The following EMC3 variants were observed in gnomAD, a reference collection of about 807,000 sequenced individuals.
The protein encoded by EMC3 is 30 kDa protein.
Under a neutral mutation model 36.6 loss-of-function variants are expected in EMC3, and 13 were observed. The observed-to-expected ratio is 0.35, with a 90% CI of 0.23 to 0.56. The LOEUF (loss-of-function observed/expected upper bound fraction) is 0.56, where lower values mean the gene tolerates loss of function less well. EMC3 is among the 20% of genes least tolerant of loss of function. The pLI is 0.84. For missense variants in EMC3, 220 were observed against 324.5 expected (o/e 0.68, Z 2.47); for synonymous variants, 120 against 111.9 (o/e 1.07, Z -0.46).
intron 1 of EMC3, chr3:10,000,660 T>A (rs2086187749): frequency 1.0e-5 from 5 of 477,184 alleles, no homozygotes; most frequent in Middle Eastern, 7.0e-4. Flanking sequence ...GTAGCTTTTT[T>A]AAGATAAGCT....
At chr3:10,007,131 C>T (rs982742163) in intron 1 of EMC3, 2 of 346,262 alleles carry the variant, frequency 5.8e-6, no homozygotes, top group Non-Finnish European at 1.1e-5. Flanking sequence ...CTGTCAGTTA[C>T]TCAGAAAAAC....
chr3:9,994,371 A>C (rs1379902478), intron 1 of EMC3: 4 of 648,810 alleles, frequency 6.2e-6, no homozygotes, highest in Admixed American at 3.9e-5. Flanking sequence ...AGGAAGGAAG[A>C]ATCATCTAAT....
intron 1 of EMC3, chr3:10,002,819 C>G (rs772217208): frequency 6.6e-6 from 3 of 456,524 alleles, no homozygotes; most frequent in East Asian, 1.4e-4. Context: ...TCCCCCTCCA[C>G]GCAGAGCACC....
chr3:10,007,875 A>G (rs1575708383), intron 1 of EMC3, among the ~76,000 whole-genome samples: 2 of 152,292 alleles, frequency 1.3e-5, no homozygotes, highest in East Asian at 3.9e-4. Context: ...GATGGTGGCC[A>G]GGGTCAGTCC....
chr3:9,974,154 G>A (rs2085819388), intron 4 of EMC3, among the ~76,000 whole-genome samples: 1 of 152,168 alleles, frequency 6.6e-6, no homozygotes, highest in Non-Finnish European at 1.5e-5. Context: ...TATTAGTTTT[G>A]GAAGTAAGCT....
At position 9,994,835 on chromosome 3, in the gene EMC3, G is replaced by C. The variant is rs112175955; in HGVS notation, c.-241-7933C>G. On this transcript the variant is annotated intron_variant, in intron 1 of 8. Transcript: ENST00000470827. ...GATTCACCTGCCTCGCCCTCCCAAA[G>C]TGCTGCAATTACAGGCATGAGCCAC... Among the ~76,000 whole-genome samples the C allele has an allele frequency of 9.2e-3, 1,403 of 152,228 alleles. 26 individuals are homozygous for C. The highest frequency in any genetic ancestry group is 0.032 in the African/African-American group (1,321 of 41,530).
chr3:9,995,094 G>A (rs1323234259), intron 1 of EMC3, among the ~76,000 whole-genome samples: 1 of 151,398 alleles, frequency 6.6e-6, no homozygotes, highest in African/African-American at 2.4e-5. Context: ...TGAGGTAGCT[G>A]TTGTAATTGA....
At chr3:9,993,402 A>G (rs893011178) in intron 1 of EMC3, among the ~76,000 whole-genome samples, 1 of 152,252 alleles carries the variant, frequency 6.6e-6, no homozygotes, top group African/African-American at 2.4e-5. Flanking sequence ...CGTTCAGTAT[A>G]TTAACAGTAT....
intron 1 of EMC3, chr3:9,992,774 A>G: frequency 1.3e-6 from 1 of 761,608 alleles, no homozygotes. Flanking sequence ...GGAACAAATG[A>G]GCATCATCCA....
intron 3 of EMC3, among the ~76,000 whole-genome samples, chr3:9,975,087 G>C (rs1265103349): frequency 6.6e-6 from 1 of 151,324 alleles, no homozygotes; most frequent in African/African-American, 2.4e-5. Context: ...TCTTGAACTC[G>C]TGACTGACCT....
At chr3:9,971,049 A>G (rs1417230330) in intron 5 of EMC3, among the ~76,000 whole-genome samples, 1 of 151,992 alleles carries the variant, frequency 6.6e-6, no homozygotes, top group East Asian at 1.9e-4. Context: ...CAACCTCCTG[A>G]GTAGCTGGGA....
chr3:9,985,379 G>A (rs942095163), intron 1 of EMC3, among the ~76,000 whole-genome samples: 4 of 152,194 alleles, frequency 2.6e-5, no homozygotes, highest in Non-Finnish European at 5.9e-5. Context: ...TAAAGATATA[G>A]TAGCACTTAC....
chr3:9,980,141 G>A (rs1481090026), intron 1 of EMC3, among the ~76,000 whole-genome samples: 1 of 151,752 alleles, frequency 6.6e-6, no homozygotes, highest in Non-Finnish European at 1.5e-5. Flanking sequence ...AGCCTTCAGA[G>A]TAGCTGGGGT....
At chr3:9,967,565 C>T (rs2124899332) in intron 7 of EMC3, among the ~76,000 whole-genome samples, 1 of 152,294 alleles carries the variant, frequency 6.6e-6, no homozygotes, top group Non-Finnish European at 1.5e-5. Context: ...ATTCCATTGA[C>T]CTATATCTCT....
intron 1 of EMC3, among the ~76,000 whole-genome samples, chr3:9,980,180 A>T (rs2085894685): frequency 2.0e-5 from 3 of 151,742 alleles, no homozygotes; most frequent in South Asian, 4.2e-4. Context: ...TGCCCAGCTA[A>T]TTTTTGTATT....
At chr3:9,981,341 G>A (rs1172441329) in intron 1 of EMC3, among the ~76,000 whole-genome samples, 1 of 152,160 alleles carries the variant, frequency 6.6e-6, no homozygotes, top group Non-Finnish European at 1.5e-5. Context: ...CAATTACACT[G>A]CTGAACAATT....
intron 1 of EMC3, among the ~76,000 whole-genome samples, chr3:10,008,109 G>T (rs1351241115): frequency 6.6e-6 from 1 of 152,164 alleles, no homozygotes; most frequent in Non-Finnish European, 1.5e-5. Flanking sequence ...GGCCCCTGTG[G>T]GTTCTGCTTG....
intron 1 of EMC3, chr3:10,006,321 G>A (rs145264089): frequency 1.3e-5 from 2 of 152,330 alleles, no homozygotes; most frequent in African/African-American, 4.8e-5. Flanking sequence ...ATTTTTGCCT[G>A]TCTCTACCAA....
At chr3:9,971,188 G>T (rs1313931322) in intron 5 of EMC3, among the ~76,000 whole-genome samples, 1 of 152,140 alleles carries the variant, frequency 6.6e-6, no homozygotes, top group Non-Finnish European at 1.5e-5. Context: ...CTCCCAAAGT[G>T]CTGGGATTAC....
Sources: allele counts gnomAD v4.1 joint callset (sites outside exome capture counted in the v4.1 genomes callset), GRCh38; gene constraint gnomAD v4.1.1; transcripts MANE v1.5; gene names NCBI Gene and HGNC (gene_info 2026-07-23, HGNC 2026-07-21).